Variants in SEMA4B observed in about 807,000 individuals in gnomAD.
SEMA4B encodes the protein semaphorin 4B.
A neutral mutation model predicts 88.1 loss-of-function variants in SEMA4B; 55 were observed. The ratio of observed to expected loss-of-function variants is 0.62; its 90% CI spans 0.50 to 0.78. The LOEUF (loss-of-function observed/expected upper bound fraction) is 0.78. Ranked by LOEUF, SEMA4B falls within the 30% of genes least tolerant of loss-of-function variation. The pLI is 0.00. For missense variants in SEMA4B, 1,062 were observed against 1,111.9 expected, an observed-to-expected ratio of 0.96 and a Z score of 0.64; for synonymous variants, 525 against 473.6, an observed-to-expected ratio of 1.11 and a Z score of -1.41.
At chr15:90,218,024 C>T (rs1596147330) in intron 3 of SEMA4B, 195 bp downstream of exon 3, 2 of 556,162 alleles carry the variant, frequency 3.6e-6, no homozygotes, top group Admixed American at 3.0e-5. Context: ...CAAGTAGATT[C>T]ACCTGTCTAA....
chr15:90,226,612 A>G (rs1962184945), intron 12 of SEMA4B, among the ~76,000 whole-genome samples: 1 of 152,200 alleles, frequency 6.6e-6, no homozygotes, highest in South Asian at 2.1e-4. Context: ...GAGTGCCGGG[A>G]TTACAGCCAT....
chr15:90,219,809 AC>A lies in SEMA4B; in HGVS notation c.402del (p.Tyr134Ter). Reference sequence around the variant, plus strand: ...TCCCCCCAGCGCGACTGTCAAAACTACATCAAGATCCTCCTGCCGCTCAGCG... The same window carrying A: ...TCCCCCCAGCGCGACTGTCAAAACTAATCAAGATCCTCCTGCCGCTCAGCG... ...GKDPQRDCQN[Y>X]IKILLPLSGS... On this transcript the variant is annotated frameshift_variant, in exon 4 of 14. Transcript: ENST00000411539. LOFTEE classifies it high-confidence loss of function. 6.2e-7 allele frequency: 1 copy of A among 1,613,534 alleles called. No homozygotes were observed. The highest frequency in any genetic ancestry group is 8.5e-7 in the Non-Finnish European group (1 of 1,179,738).
Position 90,223,999 on chromosome 15 carries a change from GC to G in SEMA4B, c.1194+12del. On this transcript the variant is annotated intron_variant, in intron 9 of 13. Transcript: ENST00000411539. ...CCCCGGCCTGGAGCGGTGGGTACTG[GC>G]TCCCTGCACCCAGAAGGGGTGCCGG... 1 of 1,604,638 alleles carries G rather than the reference GC, an allele frequency of 6.2e-7. No homozygotes were observed. The highest frequency in any genetic ancestry group is 8.5e-7 in the Non-Finnish European group (1 of 1,174,298).
upstream of SEMA4B, among the ~76,000 whole-genome samples, chr15:90,198,635 G>C (rs932069559): frequency 5.3e-5 from 8 of 152,154 alleles, no homozygotes; most frequent in African/African-American, 1.9e-4. Context: ...GGTTATCTAG[G>C]GGGAGAGTGT....
At chr15:90,202,894 G>T (rs1287414165) in intron 1 of SEMA4B, among the ~76,000 whole-genome samples, 1 of 152,148 alleles carries the variant, frequency 6.6e-6, no homozygotes, top group Non-Finnish European at 1.5e-5. Context: ...TTAAATTAAG[G>T]CAGGGCCCTA....
chr15:90,195,955 C>T (rs1288668569), intron 1 of SEMA4B, among the ~76,000 whole-genome samples: 2 of 106,724 alleles, frequency 1.9e-5, no homozygotes, highest in Non-Finnish European at 3.6e-5. Flanking sequence ...GAGTCTCGCT[C>T]TGTCACCAGG....
Position 90,226,101 on chromosome 15 carries a change from T to A in SEMA4B, c.1688+274T>A, listed in dbSNP as rs140941619. Reference sequence around the variant, plus strand: ...TTGCAGGAAAATGTGGATTAGCGTGTGAACGTGCTTTAGTAATAGTAGGGC... The same window carrying A: ...TTGCAGGAAAATGTGGATTAGCGTGAGAACGTGCTTTAGTAATAGTAGGGC... On this transcript the variant is annotated intron_variant, in intron 12 of 13. Transcript: ENST00000411539. 7.3e-3 allele frequency among the ~76,000 whole-genome samples: 1,119 copies of A among 152,310 alleles called. 6 individuals are homozygous for A. Among genetic ancestry groups the A allele is most frequent in the Middle Eastern group, 0.017 (5 of 294 alleles).
In SEMA4B at chr15:90,223,587, A is replaced by G. The variant is rs1284844951; in HGVS notation, c.890A>G (p.Gln297Arg). Residue 297 changes from glutamine (Q) to arginine (R), a missense_variant, in exon 8 of 14, where the codon CAG becomes CGG. Transcript: ENST00000411539. ...KGDEGGERVLQQRWTSFLKAQ... is the reference protein window; with the variant it reads ...KGDEGGERVLRQRWTSFLKAQ... Reference sequence around the variant, plus strand: ...GATGAGGGTGGAGAGCGGGTGCTACAGCAGCGCTGGACCTCCTTCCTCAAG... The same window carrying G: ...GATGAGGGTGGAGAGCGGGTGCTACGGCAGCGCTGGACCTCCTTCCTCAAG... The G allele has an allele frequency of 6.2e-7, 1 of 1,607,974 alleles. No homozygotes were observed. Among genetic ancestry groups the G allele is most frequent in the Non-Finnish European group, 8.5e-7 (1 of 1,176,634 alleles).
At chr15:90,197,099 A>G (rs926782823), upstream of SEMA4B, among the ~76,000 whole-genome samples, 8 of 152,100 alleles carry the variant, frequency 5.3e-5, no homozygotes, top group African/African-American at 1.7e-4. Flanking sequence ...TTAGGAAACC[A>G]AGATTGGCCA....
intron 5 of SEMA4B, 104 bp from the exon 6 acceptor site, chr15:90,221,263 C>A: frequency 8.3e-7 from 1 of 1,198,126 alleles, no homozygotes; most frequent in Non-Finnish European, 1.2e-6. Flanking sequence ...TCCTTCTCTG[C>A]CCACCACAGG....
At chr15:90,221,130 C>A in intron 5 of SEMA4B, 37 bp downstream of exon 5, 1 of 1,413,542 alleles carries the variant, frequency 7.1e-7, no homozygotes, top group South Asian at 1.2e-5. Context: ...ATTGAGGTTC[C>A]ATGTAGGGGC....
Position 90,229,576 on chromosome 15 carries a change from C to A in SEMA4B, c.*933C>A, listed in dbSNP as rs2151633096. 3.0e-6 allele frequency: 1 copy of A among 332,930 alleles called. No homozygotes were observed. 20.6% of individuals were successfully genotyped at this position (332,930 alleles called of 1,614,324 possible). A position where few individuals can be genotyped will look rare whatever the true frequency, so the allele number is the denominator to read the frequency against. On this transcript the variant is annotated 3_prime_UTR_variant, in exon 14 of 14. Transcript: ENST00000411539. ...TATCAACACTGCCCAGCACAGGGGCCCTGAATTTATGTGGTTTTTATACAT... is the reference window on the plus strand; with the variant it reads ...TATCAACACTGCCCAGCACAGGGGCACTGAATTTATGTGGTTTTTATACAT...
intron 1 of SEMA4B, among the ~76,000 whole-genome samples, chr15:90,192,525 A>C (rs1960373194): frequency 7.0e-6 from 1 of 143,140 alleles, no homozygotes; most frequent in African/African-American, 2.5e-5. Flanking sequence ...AGCAGCAGGG[A>C]TGTGTGTTCA....
At chr15:90,220,241 T>C in intron 4 of SEMA4B, 1 of 208,362 alleles carries the variant, frequency 4.8e-6, no homozygotes. Context: ...CACACACCCC[T>C]AGCAGAGGGT....
chr15:90,208,205 G>A (rs1961084907), intron 1 of SEMA4B, among the ~76,000 whole-genome samples: 1 of 150,438 alleles, frequency 6.6e-6, no homozygotes, highest in African/African-American at 2.5e-5. Flanking sequence ...AGTGAGCCGA[G>A]ATCATGCCAT....
At chr15:90,196,582 G>A (rs1960514982), upstream of SEMA4B, among the ~76,000 whole-genome samples, 1 of 152,102 alleles carries the variant, frequency 6.6e-6, no homozygotes, top group African/African-American at 2.4e-5. Context: ...CGCCTCTTGA[G>A]TTCAAGAGAT....
At position 90,223,663 on chromosome 15, in the gene SEMA4B, G is replaced by C; in HGVS notation, c.966G>C (p.Leu322=). ...RPDDGFPFNV[L]QDVFTLSPSP... ...ACGATGGCTTCCCCTTCAACGTGCTGCAGGATGTCTTCACGCTGAGCCCCA... is the reference window on the plus strand; with the variant it reads ...ACGATGGCTTCCCCTTCAACGTGCTCCAGGATGTCTTCACGCTGAGCCCCA... Residue 322 remains leucine (L), a synonymous_variant, in exon 8 of 14, where the codon CTG becomes CTC. Transcript: ENST00000411539. 1 of 1,613,628 alleles carries C rather than the reference G, an allele frequency of 6.2e-7. No individual in the cohort carries two copies. Among genetic ancestry groups the C allele is most frequent in the Non-Finnish European group, 8.5e-7 (1 of 1,179,790 alleles).
chr15:90,186,394 C>T (rs936402060), intron 1 of SEMA4B, among the ~76,000 whole-genome samples: 3 of 151,304 alleles, frequency 2.0e-5, no homozygotes, highest in African/African-American at 2.4e-5. Flanking sequence ...TCGAGGCAGG[C>T]GGATCACCTG....
rs2151593306 is a variant in SEMA4B at position 90,201,686 on chromosome 15, G to C, written c.108G>C (p.Gln36His). The change falls in exon 1 of 14, where the codon CAG becomes CAC. Residue 36 changes from glutamine to histidine, a missense_variant. Physicochemically the swap from Gln to His is conservative, Grantham distance 24 (BLOSUM62 0). Transcript: ENST00000411539. Reference protein sequence around the residue: ...LLLLLLLLLLQPPPPTWALSP... With the variant: ...LLLLLLLLLLHPPPPTWALSP... Reference sequence around the variant, plus strand: ...TCCTGCTGCTGCTGCTCCTGCTGCAGCCGCCGCCTCCGACCTGGGCGCTCA... The same window carrying C: ...TCCTGCTGCTGCTGCTCCTGCTGCACCCGCCGCCTCCGACCTGGGCGCTCA... 6.6e-7 allele frequency: 1 copy of C among 1,511,956 alleles called. No individual in the cohort carries two copies. Among genetic ancestry groups the C allele is most frequent in the South Asian group, 1.2e-5 (1 of 81,858 alleles). 93.7% of individuals were successfully genotyped at this position (1,511,956 alleles called of 1,614,324 possible).
Sources: allele counts gnomAD v4.1 joint callset (sites outside exome capture counted in the v4.1 genomes callset), GRCh38; gene constraint gnomAD v4.1.1; transcripts MANE v1.5; gene names NCBI Gene and HGNC (gene_info 2026-07-23, HGNC 2026-07-21).